The following RAB38 variants were observed in gnomAD, a reference collection of about 807,000 sequenced individuals.
RAB38 encodes ras-related protein Rab-38.
A neutral mutation model predicts 18.4 loss-of-function variants in RAB38; 15 were observed. That is an observed-to-expected ratio of 0.82 (90% CI 0.55 to 1.26). The LOEUF is 1.26. Ranked by LOEUF, RAB38 falls within the 50% of genes most tolerant of loss-of-function variation. The pLI is 0.00. For missense variants in RAB38, 294 were observed against 267.4 expected (o/e 1.10, Z -0.69); for synonymous variants, 101 against 104.4 (o/e 0.97, Z 0.20).
chr11:88,037,671 A>C, the RAB38 span, among the ~76,000 whole-genome samples: 1 of 152,140 alleles, frequency 6.6e-6, no homozygotes, highest in Non-Finnish European at 1.5e-5. Context: ...AATATCATAT[A>C]AATAAAATGA....
the RAB38 span, among the ~76,000 whole-genome samples, chr11:88,039,897 C>G: frequency 7.4e-4 from 112 of 152,288 alleles, no homozygotes; most frequent in African/African-American, 2.6e-3. Flanking sequence ...TTTGCTGCAT[C>G]TGATCAGGAA....
chr11:88,056,433 C>T, the RAB38 span, among the ~76,000 whole-genome samples: 1 of 152,050 alleles, frequency 6.6e-6, no homozygotes, highest in South Asian at 2.1e-4. Flanking sequence ...TGAGGATTGT[C>T]AGGGAAGTCT....
the RAB38 span, among the ~76,000 whole-genome samples, chr11:88,018,980 T>G: frequency 6.6e-6 from 1 of 152,092 alleles, no homozygotes; most frequent in Non-Finnish European, 1.5e-5. Context: ...TGGAAGGACA[T>G]TTCATTTTTT....
rs1168601823 is a variant in RAB38, at chr11:88,113,752, G to A, written c.*236C>T. ...CCTGCAGGATTTTGGTCAGCTACAT[G>A]ACAGAAGTTTGTAACAGACTAAATA... On this transcript the variant is annotated 3_prime_UTR_variant, in exon 3 of 3. Transcript: ENST00000243662. The A allele has an allele frequency of 1.0e-5, 5 of 496,478 alleles. No individual in the cohort carries two copies. Among genetic ancestry groups the A allele is most frequent in the Non-Finnish European group, 1.8e-5 (5 of 284,892 alleles). 30.8% of individuals were successfully genotyped at this position (496,478 alleles called of 1,614,324 possible). A position where few individuals can be genotyped will look rare whatever the true frequency, so the allele number is the denominator to read the frequency against.
the RAB38 span, among the ~76,000 whole-genome samples, chr11:87,873,932 A>G: frequency 7.1e-5 from 10 of 141,226 alleles, no homozygotes; most frequent in Middle Eastern, 3.3e-3. Context: ...GTATATATAT[A>G]TATATATATA....
intron 1 of RAB38, chr11:88,166,190 ACCT>A (rs1943241473): frequency 6.6e-6 from 1 of 152,036 alleles, no homozygotes; most frequent in Admixed American, 6.6e-5. Flanking sequence ...TGAAATTTAG[ACCT>A]CATCATGGAG....
the RAB38 span, among the ~76,000 whole-genome samples, chr11:87,933,668 A>G: frequency 6.6e-6 from 1 of 151,902 alleles, no homozygotes; most frequent in Non-Finnish European, 1.5e-5. Flanking sequence ...ATCAATTCAT[A>G]CTTAAAAAGA....
chr11:88,152,463 A>T (rs1334733843), intron 1 of RAB38, among the ~76,000 whole-genome samples: 1 of 152,182 alleles, frequency 6.6e-6, no homozygotes, highest in Non-Finnish European at 1.5e-5. Flanking sequence ...GAGTTTGTGA[A>T]TGTATGTGTG....
chr11:87,838,971 A>G, the RAB38 span, among the ~76,000 whole-genome samples: 585 of 152,334 alleles, frequency 3.8e-3, 3 homozygotes, highest in African/African-American at 0.012. Context: ...GGCATGGCTG[A>G]GAATCTAATC....
At chr11:88,006,195 C>G in the RAB38 span, among the ~76,000 whole-genome samples, 3 of 151,384 alleles carry the variant, frequency 2.0e-5, no homozygotes, top group Admixed American at 1.3e-4. Context: ...CTTTATTAAT[C>G]TCCAGGGAAA....
the RAB38 span, among the ~76,000 whole-genome samples, chr11:88,074,237 C>T: frequency 2.6e-5 from 4 of 151,944 alleles, no homozygotes; most frequent in African/African-American, 7.3e-5. Context: ...GTGGACAAAC[C>T]CAGAATACTG....
the RAB38 span, among the ~76,000 whole-genome samples, chr11:87,944,113 C>T: frequency 6.6e-6 from 1 of 152,130 alleles, no homozygotes; most frequent in East Asian, 1.9e-4. Context: ...ATACTATGGT[C>T]TATTAAGTAT....
At chr11:88,053,414 TAC>T in the RAB38 span, among the ~76,000 whole-genome samples, 1 of 96,340 alleles carries the variant, frequency 1.0e-5, no homozygotes, top group Non-Finnish European at 2.2e-5. Context: ...TATATATATA[TAC>T]ACACACATAT....
intron 1 of RAB38, chr11:88,174,027 T>TA (rs1164240360): frequency 9.1e-6 from 9 of 985,314 alleles, no homozygotes; most frequent in Non-Finnish European, 1.1e-5. Flanking sequence ...GTCCAGCACT[T>TA]ATAACGAAAG....
At chr11:87,905,096 A>G in the RAB38 span, among the ~76,000 whole-genome samples, 1 of 151,510 alleles carries the variant, frequency 6.6e-6, no homozygotes, top group Non-Finnish European at 1.5e-5. Flanking sequence ...CAGTTTGAGT[A>G]GCTTCTATTT....
At chr11:87,822,658 T>G in the RAB38 span, among the ~76,000 whole-genome samples, 1 of 152,222 alleles carries the variant, frequency 6.6e-6, no homozygotes, top group African/African-American at 2.4e-5. Flanking sequence ...GAGAGAACAC[T>G]TAAAGCACAA....
the RAB38 span, among the ~76,000 whole-genome samples, chr11:87,841,958 C>G: frequency 6.6e-6 from 1 of 151,976 alleles, no homozygotes; most frequent in Non-Finnish European, 1.5e-5. Flanking sequence ...TCTTTTTCTT[C>G]CTTTCTTTTA....
intron 1 of RAB38, among the ~76,000 whole-genome samples, chr11:88,155,191 G>A (rs929887432): frequency 1.3e-5 from 2 of 152,184 alleles, no homozygotes; most frequent in Non-Finnish European, 1.5e-5. Context: ...GAACCTACCT[G>A]GTCTGGCCCC....
the RAB38 span, among the ~76,000 whole-genome samples, chr11:88,037,436 T>C: frequency 6.6e-6 from 1 of 152,116 alleles, no homozygotes; most frequent in African/African-American, 2.4e-5. Flanking sequence ...TTTATTAATT[T>C]ATAATTTGAG....
Sources: allele counts gnomAD v4.1 joint callset (sites outside exome capture counted in the v4.1 genomes callset), GRCh38; gene constraint gnomAD v4.1.1; transcripts MANE v1.5; gene names NCBI Gene and HGNC (gene_info 2026-07-23, HGNC 2026-07-21).